The following ZBBX variants were observed in gnomAD, a reference collection of about 807,000 sequenced individuals.
ZBBX encodes zinc finger B-box domain containing, also known as zinc finger B-box domain-containing protein 1.
ZBBX carries 101 observed loss-of-function variants against 108.5 expected under a neutral mutation model. That is an observed-to-expected ratio of 0.93 (90% CI 0.79 to 1.10). The LOEUF (loss-of-function observed/expected upper bound fraction) is 1.10. Ranked by LOEUF, ZBBX falls within the 50% of genes least tolerant of loss-of-function variation. The pLI, the probability that ZBBX is intolerant of heterozygous loss-of-function variation, is 0.00. For synonymous variants in ZBBX, 356 were observed against 323.4 expected, an observed-to-expected ratio of 1.10 and a Z score of -1.08; for missense variants, 1,009 against 941.4, an observed-to-expected ratio of 1.07 and a Z score of -0.94.
chr3:167,325,353 G>A (rs748165181), intron 11 of ZBBX, among the ~76,000 whole-genome samples: 1 of 152,078 alleles, frequency 6.6e-6, no homozygotes, highest in Admixed American at 6.6e-5. Flanking sequence ...CTTACATGGT[G>A]GTGGGCAAGA....
At chr3:167,383,976 C>T (rs536216708), upstream of ZBBX, among the ~76,000 whole-genome samples, 1 of 152,084 alleles carries the variant, frequency 6.6e-6, no homozygotes, top group East Asian at 1.9e-4. Flanking sequence ...GTATATGTGG[C>T]AAAAAGATAA....
At chr3:167,267,570 A>C (rs1034427148) in intron 20 of ZBBX, among the ~76,000 whole-genome samples, 6 of 152,160 alleles carry the variant, frequency 3.9e-5, no homozygotes, top group Non-Finnish European at 5.9e-5. Flanking sequence ...ACAAATGATA[A>C]AATATTGCTG....
intron 20 of ZBBX, 48 bp downstream of exon 20, chr3:167,282,190 G>A (rs1728925717): frequency 5.8e-6 from 9 of 1,542,240 alleles, no homozygotes; most frequent in Non-Finnish European, 7.0e-6. Context: ...TCCGGCTGAG[G>A]GCAGAGTTAA....
chr3:167,273,811 C>T (rs1441745158), intron 20 of ZBBX, among the ~76,000 whole-genome samples: 2 of 152,064 alleles, frequency 1.3e-5, no homozygotes, highest in African/African-American at 4.8e-5. Context: ...TTGACTCTGA[C>T]GTTTATTTAG....
chr3:167,227,075 GC>G, the ZBBX span, among the ~76,000 whole-genome samples: 1 of 151,676 alleles, frequency 6.6e-6, no homozygotes, highest in African/African-American at 2.4e-5. Flanking sequence ...AATCTCAGAA[GC>G]CAGCTTATTT....
chr3:167,244,850 T>C (rs1205588523), intron 20 of ZBBX, among the ~76,000 whole-genome samples: 1 of 152,122 alleles, frequency 6.6e-6, no homozygotes, highest in Non-Finnish European at 1.5e-5. Context: ...GGAATCTCTT[T>C]AAAAATAATA....
intron 17 of ZBBX, 137 bp downstream of exon 17, chr3:167,305,506 C>T: frequency 1.6e-6 from 1 of 641,162 alleles, no homozygotes. Context: ...AGTCACTCTT[C>T]AACTATCTCA....
chr3:167,260,492 T>C (rs1724285449), intron 20 of ZBBX, among the ~76,000 whole-genome samples: 2 of 152,204 alleles, frequency 1.3e-5, no homozygotes, highest in African/African-American at 2.4e-5. Context: ...TTGTTTAACA[T>C]AATCTCAGAC....
intron 20 of ZBBX, among the ~76,000 whole-genome samples, chr3:167,249,272 A>G (rs1049409587): frequency 2.0e-5 from 3 of 152,218 alleles, no homozygotes; most frequent in South Asian, 4.1e-4. Flanking sequence ...CTGAGGCCCC[A>G]TAAGTGTAGG....
At chr3:167,230,895 G>A in the ZBBX span, among the ~76,000 whole-genome samples, 1 of 151,798 alleles carries the variant, frequency 6.6e-6, no homozygotes, top group Non-Finnish European at 1.5e-5. Flanking sequence ...AGTGTGAGAA[G>A]AATGAATCAG....
chr3:167,347,448 G>A (rs1445880837), intron 9 of ZBBX, among the ~76,000 whole-genome samples: 1 of 151,886 alleles, frequency 6.6e-6, no homozygotes, highest in Non-Finnish European at 1.5e-5. Context: ...GATAAACCTG[G>A]AGGACATTAC....
rs770966283 is a variant in ZBBX, at chr3:167,368,495, G to A, written c.148C>T (p.Arg50Ter). Reference sequence around the variant, plus strand: ...TCCTTTTCTTTGTTTCTTGTGGATCGGAATTCTTGCAGTTTCTTCTCCATC... The same window carrying A: ...TCCTTTTCTTTGTTTCTTGTGGATCAGAATTCTTGCAGTTTCTTCTCCATC... ...QEMEKKLQEF[R>*]STRNKEKEDR... is the part of the protein sequence containing the mutation. Residue 50 changes from arginine (R) to a stop codon, truncating the protein, a stop_gained, in exon 5 of 22, where the codon CGA becomes TGA. Coordinates refer to ENST00000675490, the MANE Select transcript of ZBBX (RefSeq NM_001199201.2). LOFTEE classifies it high-confidence loss of function. The A allele has an allele frequency of 2.5e-5, 40 of 1,611,514 alleles. No homozygotes were observed. The highest frequency in any genetic ancestry group is 3.3e-5 in the South Asian group (3 of 90,940).
chr3:167,189,140 A>G, the ZBBX span, among the ~76,000 whole-genome samples: 1 of 152,016 alleles, frequency 6.6e-6, no homozygotes, highest in Admixed American at 6.5e-5. Flanking sequence ...TGAAATGCAA[A>G]TTATGTTAAA....
At chr3:167,361,681 A>G (rs1450602921) in intron 6 of ZBBX, among the ~76,000 whole-genome samples, 1 of 152,232 alleles carries the variant, frequency 6.6e-6, no homozygotes, top group Non-Finnish European at 1.5e-5. Flanking sequence ...AACACAGCAG[A>G]AAAGAAAATA....
chr3:167,328,079 T>A lies in ZBBX; in HGVS notation c.725A>T (p.Lys242Ile), dbSNP rs374495846. 7 of 1,613,750 alleles carry A rather than the reference T, an allele frequency of 4.3e-6. No homozygotes were observed. The highest frequency in any genetic ancestry group is 1.3e-5 in the African/African-American group (1 of 74,902). ...TTCACACAACAGACTCTTTCTTGGT[T>A]TTGTACGTTGTGCTCTTTTCATCGT... ...ITTMKRAQRT[K>I]PRKSLLCEGS... is the part of the protein sequence containing the mutation. The change falls in exon 11 of 22, where the codon AAA becomes ATA. Residue 242 changes from lysine (K) to isoleucine (I), a missense_variant. Physicochemically the swap from Lys to Ile is moderately radical, Grantham distance 102. Coordinates refer to ENST00000675490, the MANE Select transcript of ZBBX (RefSeq NM_001199201.2).
chr3:167,394,140 T>C (rs764267619), intron 1 of ZBBX, among the ~76,000 whole-genome samples: 2 of 151,998 alleles, frequency 1.3e-5, no homozygotes, highest in South Asian at 2.1e-4. Context: ...TAAGTATAAA[T>C]TCAGATGGCA....
At chr3:167,362,226 T>C (rs114748806) in intron 6 of ZBBX, among the ~76,000 whole-genome samples, 2,866 of 152,208 alleles carry the variant, frequency 0.019, 116 homozygotes, top group African/African-American at 0.065. Context: ...CTGCATATGT[T>C]TGTATATACA....
the ZBBX span, among the ~76,000 whole-genome samples, chr3:167,179,781 C>A: frequency 1.3e-5 from 2 of 152,202 alleles, no homozygotes; most frequent in African/African-American, 4.8e-5. Context: ...ACATTTTCAG[C>A]ACCTTCAATT....
At chr3:167,262,621 T>C (rs1724749630) in intron 20 of ZBBX, among the ~76,000 whole-genome samples, 1 of 151,938 alleles carries the variant, frequency 6.6e-6, no homozygotes, top group African/African-American at 2.4e-5. Context: ...CTAGGAGACA[T>C]TTTTATTATG....
Sources: gnomAD v4.1 joint callset for allele counts (sites outside exome capture counted in the v4.1 genomes callset) on GRCh38, gnomAD v4.1.1 for gene constraint, MANE v1.5 for transcripts, NCBI Gene and HGNC (gene_info 2026-07-23, HGNC 2026-07-21) for gene names.